NFIA: variants seen among roughly 807,000 people sequenced by gnomAD.
NFIA encodes nuclear factor 1 A-type.
A neutral mutation model predicts 62.8 loss-of-function variants in NFIA; 8 were observed. The observed-to-expected ratio is 0.13, with a 90% confidence interval of 0.07 to 0.23. NFIA has a LOEUF of 0.23. Among genes scored for constraint, NFIA ranks in the 10% least tolerant of loss-of-function variants. NFIA has a pLI of 1.00. For missense variants in NFIA, 410 were observed against 642.1 expected (o/e 0.64, Z 3.91); for synonymous variants, 235 against 238.1 (o/e 0.99, Z 0.12).
At chr1:61,199,258 T>C (rs540948176) in intron 2 of NFIA, among the ~76,000 whole-genome samples, 1 of 152,244 alleles carries the variant, frequency 6.6e-6, no homozygotes, top group South Asian at 2.1e-4. Context: ...TGGAAAACAG[T>C]AACAACAAAA....
chr1:61,401,014 G>T (rs551450205), intron 7 of NFIA, among the ~76,000 whole-genome samples: 5 of 118,188 alleles, frequency 4.2e-5, no homozygotes, highest in African/African-American at 1.5e-4. Flanking sequence ...TAGAGAAATA[G>T]CATCTATTTA....
chr1:61,093,217 T>C (rs1646351190), intron 2 of NFIA, among the ~76,000 whole-genome samples: 1 of 152,158 alleles, frequency 6.6e-6, no homozygotes, highest in Non-Finnish European at 1.5e-5. Context: ...GACTATACGT[T>C]TTTGTAATTA....
chr1:61,396,486 A>T lies in NFIA; in HGVS notation c.1076-7618A>T, dbSNP rs190901251. On this transcript the variant is annotated intron_variant, in intron 7 of 10. Coordinates refer to ENST00000403491, the MANE Select transcript of NFIA (RefSeq NM_001134673.4). ...GGTCTCAAACTCCTGGGCTCGAGTG[A>T]TTCTCCTGCCTCAGCCTTCTGAGTA... Among the ~76,000 whole-genome samples the T allele has an allele frequency of 1.7e-3, 256 of 152,276 alleles. 1 individual carries two copies. The highest frequency in any genetic ancestry group is 5.8e-3 in the African/African-American group (239 of 41,558).
At chr1:61,354,135 C>T (rs1218544006) in intron 5 of NFIA, among the ~76,000 whole-genome samples, 1 of 152,100 alleles carries the variant, frequency 6.6e-6, no homozygotes, top group Non-Finnish European at 1.5e-5. Context: ...TTTTGTGACT[C>T]TCTGAGAGGA....
At chr1:61,318,897 T>C (rs1352712654) in intron 3 of NFIA, among the ~76,000 whole-genome samples, 1 of 152,108 alleles carries the variant, frequency 6.6e-6, no homozygotes, top group African/African-American at 2.4e-5. Flanking sequence ...GTTAGCAAAA[T>C]CCAGAGCTAA....
At position 61,224,440 on chromosome 1, in the gene NFIA, AATTT is replaced by A. The variant is rs149113939; in HGVS notation, c.560-53075_560-53072del. 5.6e-3 allele frequency among the ~76,000 whole-genome samples: 857 copies of A among 152,224 alleles called. 4 individuals are homozygous for A. The highest frequency in any genetic ancestry group is 0.019 in the African/African-American group (796 of 41,536). ...ACTTTGTTTAAACTAGCAGTAGCCA[AATTT>A]ATTTGTCAGTGGAATCCTTTTTTCA... On this transcript the variant is annotated intron_variant, in intron 2 of 10. Transcript: ENST00000403491.
At chr1:61,183,801 T>C (rs1379622339) in intron 2 of NFIA, among the ~76,000 whole-genome samples, 1 of 152,094 alleles carries the variant, frequency 6.6e-6, no homozygotes, top group East Asian at 1.9e-4. Flanking sequence ...GGATATGTCC[T>C]TTTTTTCCCC....
At chr1:61,165,965 T>C (rs539510876) in intron 2 of NFIA, among the ~76,000 whole-genome samples, 1 of 152,282 alleles carries the variant, frequency 6.6e-6, no homozygotes, top group Admixed American at 6.5e-5. Context: ...GGCAAAACTG[T>C]TTTATTAGGG....
At chr1:61,373,620 A>G (rs1664010892) in intron 6 of NFIA, among the ~76,000 whole-genome samples, 1 of 152,164 alleles carries the variant, frequency 6.6e-6, no homozygotes, top group Admixed American at 6.6e-5. Flanking sequence ...ATTTAAGTAA[A>G]TACTAAAGTT....
chr1:61,263,464 C>T (rs972120937), intron 2 of NFIA, among the ~76,000 whole-genome samples: 1 of 152,210 alleles, frequency 6.6e-6, no homozygotes. Flanking sequence ...GTTTTACACA[C>T]AGGCGCCCCA....
chr1:61,164,286 T>C (rs1649417379), intron 2 of NFIA, among the ~76,000 whole-genome samples: 1 of 152,006 alleles, frequency 6.6e-6, no homozygotes, highest in Non-Finnish European at 1.5e-5. Context: ...ATGAAGGAGA[T>C]ACATTAGACT....
At chr1:61,195,288 A>G (rs1380794400) in intron 2 of NFIA, among the ~76,000 whole-genome samples, 4 of 152,148 alleles carry the variant, frequency 2.6e-5, no homozygotes, top group African/African-American at 9.7e-5. Context: ...TTACGGCATC[A>G]TGAATGTGTT....
chr1:61,133,920 C>T (rs115697987), intron 2 of NFIA, among the ~76,000 whole-genome samples: 3,700 of 151,918 alleles, frequency 0.024, 156 homozygotes, highest in African/African-American at 0.084. Context: ...GGGGGTGGAT[C>T]CAGACCAGCC....
intron 3 of NFIA, among the ~76,000 whole-genome samples, chr1:61,320,292 A>G (rs1660613847): frequency 1.3e-5 from 2 of 152,280 alleles, no homozygotes; most frequent in South Asian, 4.1e-4. Context: ...GCAAACTTCA[A>G]AGTATTGTGA....
chr1:61,197,234 C>CTTTTT (rs1002158986), intron 2 of NFIA, among the ~76,000 whole-genome samples: 33 of 93,366 alleles, frequency 3.5e-4, no homozygotes, highest in African/African-American at 6.1e-4. Flanking sequence ...TACTCTGGTT[C>CTTTTT]TTTTTTTTTT....
intron 10 of NFIA, among the ~76,000 whole-genome samples, chr1:61,438,844 C>G (rs1025625336): frequency 2.6e-5 from 4 of 152,076 alleles, no homozygotes; most frequent in Non-Finnish European, 5.9e-5. Flanking sequence ...ATGATTAGTT[C>G]TAATGGGGTG....
At chr1:61,394,883 C>T (rs781093010) in intron 7 of NFIA, among the ~76,000 whole-genome samples, 8 of 152,072 alleles carry the variant, frequency 5.3e-5, no homozygotes, top group Non-Finnish European at 1.0e-4. Context: ...CCAAGGCAGG[C>T]GGATCATTTG....
chr1:61,119,673 AAGGTTTG>A (rs1051985917), intron 2 of NFIA, among the ~76,000 whole-genome samples: 49 of 152,356 alleles, frequency 3.2e-4, no homozygotes, highest in African/African-American at 1.2e-3. Context: ...CTTAGGTTTG[AAGGTTTG>A]AGTTACTTAT....
intron 4 of NFIA, among the ~76,000 whole-genome samples, chr1:61,345,140 C>A (rs1408555853): frequency 6.6e-6 from 1 of 152,268 alleles, no homozygotes; most frequent in East Asian, 1.9e-4. Flanking sequence ...TTTGAAGAGA[C>A]CATTTCCAAA....
Sources: allele counts gnomAD v4.1 joint callset (sites outside exome capture counted in the v4.1 genomes callset), GRCh38; gene constraint gnomAD v4.1.1; transcripts MANE v1.5; gene names NCBI Gene and HGNC (gene_info 2026-07-23, HGNC 2026-07-21).